Variants in SYNE2 observed in about 807,000 individuals in gnomAD.
SYNE2 encodes spectrin repeat containing nuclear envelope protein 2.
Under a neutral mutation model 856.3 loss-of-function variants are expected in SYNE2, and 431 were observed. The observed-to-expected ratio is 0.50, with a 90% CI of 0.47 to 0.55. The LOEUF (loss-of-function observed/expected upper bound fraction) is 0.55. Among genes scored for constraint, SYNE2 ranks in the 20% least tolerant of loss-of-function variants. The probability of loss-of-function intolerance (pLI) is 0.00; values close to 1 mark genes in which losing one functional copy is unlikely to be tolerated. For synonymous variants in SYNE2, 2,923 were observed against 2,872.3 expected, an observed-to-expected ratio of 1.02 and a Z score of -0.56; for missense variants, 8,129 against 8,023.2, an observed-to-expected ratio of 1.01 and a Z score of -0.50.
intron 2 of SYNE2, among the ~76,000 whole-genome samples, chr14:63,923,426 C>A (rs1461656762): frequency 2.0e-5 from 3 of 152,230 alleles, no homozygotes; most frequent in Non-Finnish European, 2.9e-5. Context: ...ATTTTCCCAA[C>A]AAACTAAGTA....
chr14:63,938,959 C>CGCTTGCATGTGTGT (rs2095866257), intron 2 of SYNE2, among the ~76,000 whole-genome samples: 2 of 151,930 alleles, frequency 1.3e-5, no homozygotes, highest in African/African-American at 2.4e-5. Flanking sequence ...TGCATGTGTG[C>CGCTTGCATGTGTGT]GCTTGCATGT....
intron 99 of SYNE2, among the ~76,000 whole-genome samples, chr14:64,193,482 G>C (rs1166175944): frequency 6.6e-6 from 1 of 152,130 alleles, no homozygotes; most frequent in Non-Finnish European, 1.5e-5. Context: ...CCTGGGAGGT[G>C]GAGGTTGCAA....
intron 65 of SYNE2, among the ~76,000 whole-genome samples, chr14:64,112,202 A>G (rs975680618): frequency 3.9e-5 from 6 of 152,220 alleles, no homozygotes; most frequent in Non-Finnish European, 7.3e-5. Flanking sequence ...AACATTGAAG[A>G]ATGTGCATTT....
chr14:64,108,406 A>G (rs1316556018), intron 65 of SYNE2, among the ~76,000 whole-genome samples: 1 of 152,126 alleles, frequency 6.6e-6, no homozygotes, highest in Non-Finnish European at 1.5e-5. Context: ...GGAATAAGGA[A>G]TCAAACCCAG....
At chr14:64,015,830 A>G (rs76275705) in intron 32 of SYNE2, among the ~76,000 whole-genome samples, 4,231 of 152,138 alleles carry the variant, frequency 0.028, 180 homozygotes, top group African/African-American at 0.096. Flanking sequence ...TTAGTGCTAT[A>G]AATTTCCCTC....
rs376073021 is a variant in SYNE2, at chr14:64,132,451, T to C, written c.14514+13T>C. On this transcript the variant is annotated intron_variant, in intron 77 of 115. Coordinates refer to ENST00000555002, the MANE Select transcript of SYNE2 (RefSeq NM_182914.3). ...GAGTTTGTTGCAGGTATTTGGGTTA[T>C]GTAAACGTTGTACTGAAGCTGGGAA... 1.9e-6 allele frequency: 3 copies of C among 1,614,032 alleles called. No homozygotes were observed. The highest frequency in any genetic ancestry group is 2.7e-5 in the African/African-American group (2 of 74,946).
rs1048325951 is a variant in SYNE2 at position 64,074,076 on chromosome 14, C to T, written c.10806C>T (p.Thr3602=). 1 of 1,614,076 alleles carries T rather than the reference C, an allele frequency of 6.2e-7. No individual in the cohort carries two copies. The highest frequency in any genetic ancestry group is 8.5e-7 in the Non-Finnish European group (1 of 1,180,010). ...CTTTGAAGAATTTCTTTCAACAGAC[C>T]ACAACTTCATTCCAAAATATGGCAT... ...IIALKNFFQQ[T]TTSFQNMAFQ... The change falls in exon 53 of 116, where the codon ACC becomes ACT. Residue 3602 remains threonine, a synonymous_variant. Coordinates refer to ENST00000555002, the MANE Select transcript of SYNE2 (RefSeq NM_182914.3).
rs762263872 is a variant in SYNE2, at chr14:64,168,982, TG to T, written c.17000+14del. The T allele has an allele frequency of 6.2e-7, 1 of 1,605,712 alleles. No individual in the cohort carries two copies. Among genetic ancestry groups the T allele is most frequent in the Non-Finnish European group, 8.5e-7 (1 of 1,172,300 alleles). On this transcript the variant is annotated intron_variant, in intron 93 of 115. Transcript: ENST00000555002. ...AGAAATAGAGAACAGGTGAGCTGTC[TG>T]GGCCTCATGAAGGTTGTGGGCGGAT...
chr14:63,783,662 T>G (rs933780824), intron 1 of SYNE2, among the ~76,000 whole-genome samples: 5 of 152,158 alleles, frequency 3.3e-5, no homozygotes, highest in Non-Finnish European at 7.4e-5. Context: ...ACATCCAAAT[T>G]GAATAACATT....
In SYNE2 at chr14:63,855,266, T is replaced by C. The variant is rs149270214; in HGVS notation, c.-52+2123T>C. ...GGGAATCTAGGCAGGAAATAAAATATATTGCTAAACTAATAGCAGCTTTTG... is the reference window on the plus strand; with the variant it reads ...GGGAATCTAGGCAGGAAATAAAATACATTGCTAAACTAATAGCAGCTTTTG... On this transcript the variant is annotated intron_variant, in intron 1 of 115. Coordinates refer to ENST00000555002, the MANE Select transcript of SYNE2 (RefSeq NM_182914.3). Among the ~76,000 whole-genome samples, 241 of 152,310 alleles carry C rather than the reference T, an allele frequency of 1.6e-3. No homozygotes were observed. In the Middle Eastern group the frequency reaches 0.02, roughly 13 times the overall value.
chr14:64,113,010 C>T (rs2097824069), intron 65 of SYNE2: 1 of 985,146 alleles, frequency 1.0e-6, no homozygotes, highest in Non-Finnish European at 1.2e-6. Context: ...CTGGCCAATT[C>T]CCTTAAATGT....
intron 115 of SYNE2, 100 bp downstream of exon 115, chr14:64,225,145 G>C: frequency 3.2e-6 from 5 of 1,556,658 alleles, no homozygotes; most frequent in South Asian, 2.3e-5. Flanking sequence ...CAAAAATCTG[G>C]TTTTCTTTTG....
At chr14:64,151,070 TG>T (rs35279957) in intron 84 of SYNE2, among the ~76,000 whole-genome samples, 1 of 152,184 alleles carries the variant, frequency 6.6e-6, no homozygotes, top group African/African-American at 2.4e-5. Context: ...GGTCATACAG[TG>T]GAAGATTCCT....
chr14:63,866,801 G>A lies in SYNE2; in HGVS notation c.-52+13658G>A, dbSNP rs186914188. On this transcript the variant is annotated intron_variant, in intron 1 of 115. Transcript: ENST00000555002. ...AACCTAGGCAACATAGTGAGATCCC[G>A]TCTCTACAAAAAATTTAAAAATTAG... 1.5e-4 allele frequency among the ~76,000 whole-genome samples: 23 copies of A among 152,134 alleles called. No homozygotes were observed. The East Asian group carries it at 4.5e-3, about 29-fold the overall frequency.
intron 84 of SYNE2, among the ~76,000 whole-genome samples, chr14:64,151,370 C>T (rs150910985): frequency 1.3e-4 from 19 of 142,060 alleles, no homozygotes; most frequent in African/African-American, 4.5e-4. Context: ...CCACGAGGCA[C>T]TCATGTTTCT....
Position 64,007,166 on chromosome 14 carries a change from A to G in SYNE2, c.4521A>G (p.Gln1507=), listed in dbSNP as rs187183308. The G allele has an allele frequency of 1.2e-3, 1,873 of 1,614,210 alleles. 17 individuals are homozygous for G. The highest frequency in any genetic ancestry group is 5.0e-4 in the Non-Finnish European group (585 of 1,180,006). The change falls in exon 31 of 116, where the codon CAA becomes CAG. Residue 1507 remains glutamine, a synonymous_variant. Transcript: ENST00000555002. ...FKDGREKTVN[Q]QCQNTVVLWE... ...ATGGCAGAGAAAAAACCGTGAATCA[A>G]CAGTGCCAAAATACAGTAGTCTTGT...
chr14:64,019,122 T>C lies in SYNE2; in HGVS notation c.5050-870T>C, dbSNP rs375055895. On this transcript the variant is annotated intron_variant, in intron 34 of 115. Transcript: ENST00000555002. ...CCTGTCTATACTAAAAATACAAAAA[T>C]ATTAGCTGGGTGTGGTGGTGTGTGC... 3.9e-5 allele frequency among the ~76,000 whole-genome samples: 6 copies of C among 152,016 alleles called. No homozygotes were observed. The East Asian group carries it at 5.8e-4, about 15-fold the overall frequency.
At chr14:63,896,525 G>A (rs780914350) in intron 1 of SYNE2, among the ~76,000 whole-genome samples, 4 of 152,174 alleles carry the variant, frequency 2.6e-5, no homozygotes, top group African/African-American at 4.8e-5. Context: ...TTGTAAATGC[G>A]TGGCGGAGAA....
intron 54 of SYNE2, among the ~76,000 whole-genome samples, 159 bp from the exon 55 acceptor site, chr14:64,078,307 A>G (rs575412982): frequency 1.3e-5 from 2 of 152,344 alleles, no homozygotes; most frequent in African/African-American, 4.8e-5. Flanking sequence ...TAGTCTTCCT[A>G]TCCACCTTCT....
Sources: gnomAD v4.1 joint callset for allele counts (sites outside exome capture counted in the v4.1 genomes callset) on GRCh38, gnomAD v4.1.1 for gene constraint, MANE v1.5 for transcripts, NCBI Gene and HGNC (gene_info 2026-07-23, HGNC 2026-07-21) for gene names.